Variants in CGNL1 observed in about 807,000 individuals in gnomAD.
CGNL1 encodes the protein cingulin-like protein 1.
Under a neutral mutation model 141.2 loss-of-function variants are expected in CGNL1, and 132 were observed. The ratio of observed to expected loss-of-function variants is 0.93; its 90% confidence interval spans 0.81 to 1.08. The LOEUF (loss-of-function observed/expected upper bound fraction) is 1.08. Among genes scored for constraint, CGNL1 ranks in the 50% least tolerant of loss-of-function variants. CGNL1 has a pLI of 0.00. For synonymous variants in CGNL1, 690 were observed against 622.1 expected, an observed-to-expected ratio of 1.11 and a Z score of -1.63; for missense variants, 1,870 against 1,588.6, an observed-to-expected ratio of 1.18 and a Z score of -3.01.
chr15:57,491,589 A>C (rs147935615), intron 8 of CGNL1, among the ~76,000 whole-genome samples: 1 of 152,214 alleles, frequency 6.6e-6, no homozygotes, highest in South Asian at 2.1e-4. Context: ...CACTACATGT[A>C]CCACTTTTTG....
chr15:57,454,324 C>G, intron 7 of CGNL1, among the ~76,000 whole-genome samples: 1 of 152,080 alleles, frequency 6.6e-6, no homozygotes, highest in Non-Finnish European at 1.5e-5. Flanking sequence ...AATTAAAAGT[C>G]AAAACATAAA....
At position 57,550,528 on chromosome 15, in the gene CGNL1, G is replaced by A. The variant is rs1426732945; in HGVS notation, c.*3038G>A. 6.6e-6 allele frequency: 1 copy of A among 152,610 alleles called. No individual in the cohort carries two copies. The highest frequency in any genetic ancestry group is 1.5e-5 in the Non-Finnish European group (1 of 68,040). The allele number at this position is 152,610 out of a possible 1,614,324, so 9.5% of individuals were successfully genotyped here. ...AGACAATCATCCTGTATCTTTTATG[G>A]TTTTTCCTGCTTCTGAGTGTCGTTC... On this transcript the variant is annotated 3_prime_UTR_variant, in exon 19 of 19. Transcript: ENST00000281282.
intron 1 of CGNL1, among the ~76,000 whole-genome samples, chr15:57,381,371 A>G (rs1273869168): frequency 6.6e-6 from 1 of 152,104 alleles, no homozygotes. Context: ...ACCAGCCTGG[A>G]CAACATGCTG....
rs75258101 is a variant in CGNL1 at position 57,550,132 on chromosome 15, T to C, written c.*2642T>C. The C allele has an allele frequency of 2.7e-4, 41 of 152,332 alleles. No homozygotes were observed. The highest frequency in any genetic ancestry group is 7.9e-4 in the African/African-American group (33 of 41,564). The allele number at this position is 152,332 out of a possible 1,614,324, so 9.4% of individuals were successfully genotyped here. On this transcript the variant is annotated 3_prime_UTR_variant, in exon 19 of 19. Transcript: ENST00000281282. ...TCATTACCCTAAAAATAGGCTGTTA[T>C]GCGTTTTGACAATTGCGCTATCCTA...
At chr15:57,528,121 G>C (rs2031728928) in intron 12 of CGNL1, among the ~76,000 whole-genome samples, 1 of 152,126 alleles carries the variant, frequency 6.6e-6, no homozygotes, top group Non-Finnish European at 1.5e-5. Context: ...GCTCAGTGTG[G>C]TGGCATGCAC....
chr15:57,453,918 A>G, intron 7 of CGNL1, 100 bp downstream of exon 7: 4 of 1,343,776 alleles, frequency 3.0e-6, no homozygotes, highest in Non-Finnish European at 4.2e-6. Flanking sequence ...TCTGATGTGC[A>G]CACCTGCTCC....
At chr15:57,394,122 T>TTTA (rs2062575937) in intron 1 of CGNL1, 1 of 135,850 alleles carries the variant, frequency 7.4e-6, no homozygotes, top group Non-Finnish European at 1.6e-5. Flanking sequence ...TTTTTTTTTT[T>TTTA]GAGATGGAGT....
At chr15:57,498,116 A>G (rs1176276334) in intron 8 of CGNL1, among the ~76,000 whole-genome samples, 1 of 152,008 alleles carries the variant, frequency 6.6e-6, no homozygotes, top group Non-Finnish European at 1.5e-5. Context: ...TCTCACCCAA[A>G]TAGAGTTAAG....
chr15:57,405,911 T>C (rs1361994403), intron 1 of CGNL1: 1 of 151,862 alleles, frequency 6.6e-6, no homozygotes, highest in African/African-American at 2.4e-5. Flanking sequence ...TTTTTCCTAG[T>C]GGGGCTACAA....
intron 1 of CGNL1, among the ~76,000 whole-genome samples, chr15:57,416,047 G>A (rs1016638007): frequency 6.6e-6 from 1 of 152,092 alleles, no homozygotes. Flanking sequence ...AATATCAGAG[G>A]TTGGGTTGAA....
intron 8 of CGNL1, among the ~76,000 whole-genome samples, chr15:57,495,241 A>G (rs2063920762): frequency 6.6e-6 from 1 of 152,176 alleles, no homozygotes; most frequent in Non-Finnish European, 1.5e-5. Flanking sequence ...GCATGGTATC[A>G]TCAGTATCCT....
At position 57,438,746 on chromosome 15, in the gene CGNL1, C is replaced by T. The variant is rs2063141743; in HGVS notation, c.747C>T (p.Ala249=). ...SCTKERVGEE[A]LFTSGRPLTA... Reference sequence around the variant, plus strand: ...CCAAGGAGAGGGTGGGAGAGGAGGCCCTTTTCACTAGCGGGAGGCCCCTGA... The same window carrying T: ...CCAAGGAGAGGGTGGGAGAGGAGGCTCTTTTCACTAGCGGGAGGCCCCTGA... The change falls in exon 2 of 19, where the codon GCC becomes GCT. Residue 249 remains alanine, a synonymous_variant. Transcript: ENST00000281282. 6.2e-7 allele frequency: 1 copy of T among 1,614,122 alleles called. No individual in the cohort carries two copies.
Position 57,461,861 on chromosome 15 carries a change from C to T in CGNL1, c.2372C>T (p.Ala791Val), listed in dbSNP as rs1203771961. ...LKEQYDAELQALRESVEEATK... is the reference protein window; with the variant it reads ...LKEQYDAELQVLRESVEEATK... The stretch of plus-strand genomic sequence containing the variant: ...GAGCAATATGATGCTGAGTTGCAGG[C>T]CCTGAGGGAGAGTGTGGAAGAAGCA... Residue 791 changes from alanine (A) to valine (V), a missense_variant, in exon 8 of 19, where the codon GCC becomes GTC. By Grantham distance (64) the Ala-to-Val change is moderately conservative. Coordinates refer to ENST00000281282, the MANE Select transcript of CGNL1 (RefSeq NM_032866.5). The T allele has an allele frequency of 8.1e-6, 13 of 1,613,736 alleles. No individual in the cohort carries two copies. The highest frequency in any genetic ancestry group is 9.3e-6 in the Non-Finnish European group (11 of 1,179,958).
chr15:57,481,063 G>GTTTTTTTT (rs1567144577), intron 8 of CGNL1, among the ~76,000 whole-genome samples: 10 of 105,098 alleles, frequency 9.5e-5, no homozygotes, highest in South Asian at 3.0e-4. Context: ...AAAGACCTGG[G>GTTTTTTTT]GTTTTTTTTT....
At chr15:57,412,712 G>T (rs1394757991) in intron 1 of CGNL1, among the ~76,000 whole-genome samples, 2 of 152,050 alleles carry the variant, frequency 1.3e-5, no homozygotes, top group Non-Finnish European at 2.9e-5. Context: ...ACTCTTTATT[G>T]GTTGTTCTAA....
At chr15:57,529,068 A>T (rs956708394) in intron 13 of CGNL1, 1 of 372,346 alleles carries the variant, frequency 2.7e-6, no homozygotes, top group Middle Eastern at 7.6e-4. Context: ...GAGGAAATGG[A>T]ACAGATTCTC....
chr15:57,528,123 G>A (rs1444992494), intron 12 of CGNL1, among the ~76,000 whole-genome samples: 1 of 152,084 alleles, frequency 6.6e-6, no homozygotes, highest in African/African-American at 2.4e-5. Context: ...TCAGTGTGGT[G>A]GCATGCACCT....
intron 1 of CGNL1, among the ~76,000 whole-genome samples, chr15:57,409,916 G>C (rs2062767301): frequency 6.6e-6 from 1 of 152,212 alleles, no homozygotes; most frequent in Non-Finnish European, 1.5e-5. Context: ...TCTCTGCAGA[G>C]CATCTTCATC....
At chr15:57,431,915 C>T (rs1312868399) in intron 1 of CGNL1, among the ~76,000 whole-genome samples, 1 of 152,190 alleles carries the variant, frequency 6.6e-6, no homozygotes, top group African/African-American at 2.4e-5. Context: ...GAGGCAGTCA[C>T]AGGATCCCAC....
Sources: allele counts gnomAD v4.1 joint callset (sites outside exome capture counted in the v4.1 genomes callset), GRCh38; gene constraint gnomAD v4.1.1; transcripts MANE v1.5; gene names NCBI Gene and HGNC (gene_info 2026-07-23, HGNC 2026-07-21).